Variants in COG3 observed in about 807,000 individuals in gnomAD.
COG3 encodes the protein conserved oligomeric Golgi complex subunit 3.
COG3 carries 32 observed loss-of-function variants against 114.1 expected under a neutral mutation model. The observed-to-expected ratio is 0.28, with a 90% CI of 0.21 to 0.38. The LOEUF (loss-of-function observed/expected upper bound fraction) is 0.38, where lower values mean the gene tolerates loss of function less well. Ranked by LOEUF, COG3 falls within the 10% of genes least tolerant of loss-of-function variation. The pLI, the probability that COG3 is intolerant of heterozygous loss-of-function variation, is 1.00. For synonymous variants in COG3, 352 were observed against 365.7 expected (o/e 0.96, Z 0.43); for missense variants, 813 against 973.2 (o/e 0.84, Z 2.19).
At position 45,476,235 on chromosome 13, in the gene COG3, A is replaced by C; in HGVS notation, c.209A>C (p.Gln70Pro). Reference sequence around the variant, plus strand: ...GAAGACTTGTGCAGTTTAACATCCCAGTCACTGCCCATTGAACTGACTTCA... The same window carrying C: ...GAAGACTTGTGCAGTTTAACATCCCCGTCACTGCCCATTGAACTGACTTCA... ...PIEDLCSLTS[Q>P]SLPIELTSVV... The change falls in exon 2 of 23, where the codon CAG becomes CCG. Residue 70 changes from glutamine to proline, a missense_variant. Around this residue, in one of 2 missense-constraint regions of COG3, gnomAD observed 424 missense variants for 430.6 expected, o/e 0.98. Transcript: ENST00000349995. 6 of 1,613,900 alleles carry C rather than the reference A, an allele frequency of 3.7e-6. No individual in the cohort carries two copies. The highest frequency in any genetic ancestry group is 5.1e-6 in the Non-Finnish European group (6 of 1,179,896).
intron 12 of COG3, among the ~76,000 whole-genome samples, chr13:45,494,093 G>A (rs1474001269): frequency 6.6e-6 from 1 of 152,138 alleles, no homozygotes; most frequent in African/African-American, 2.4e-5. Flanking sequence ...GGGAAGCCGA[G>A]GTGGGTGGAT....
chr13:45,495,313 C>T (rs1228314047), intron 12 of COG3, among the ~76,000 whole-genome samples: 2 of 151,770 alleles, frequency 1.3e-5, no homozygotes, highest in Non-Finnish European at 2.9e-5. Flanking sequence ...TTATCTTTAA[C>T]CCCCTGTCTT....
chr13:45,516,313 A>C (rs1871534944), intron 17 of COG3, 50 bp downstream of exon 17: 1 of 1,422,710 alleles, frequency 7.0e-7, no homozygotes. Flanking sequence ...ATCTGTCCAG[A>C]TGTGTCAGCA....
chr13:45,504,379 C>T (rs371455089), intron 14 of COG3, among the ~76,000 whole-genome samples: 1 of 152,154 alleles, frequency 6.6e-6, no homozygotes. Context: ...CCTAGTATAC[C>T]TCTTGGTCCT....
chr13:45,528,151 T>TA (rs1034365045), intron 20 of COG3, among the ~76,000 whole-genome samples: 1 of 152,084 alleles, frequency 6.6e-6, no homozygotes, highest in South Asian at 2.1e-4. Flanking sequence ...ATATAGTAAT[T>TA]AAAAAAAATT....
At chr13:45,510,000 A>G (rs1244005783) in intron 15 of COG3, among the ~76,000 whole-genome samples, 184 bp downstream of exon 15, 1 of 152,212 alleles carries the variant, frequency 6.6e-6, no homozygotes, top group Non-Finnish European at 1.5e-5. Flanking sequence ...GAAACTTATA[A>G]TTCAGTAATG....
At position 45,476,245 on chromosome 13, in the gene COG3, C is replaced by G. The variant is rs773131047; in HGVS notation, c.219C>G (p.Pro73=). ...DLCSLTSQSL[P]IELTSVVPES... The stretch of plus-strand genomic sequence containing the variant: ...GCAGTTTAACATCCCAGTCACTGCC[C>G]ATTGAACTGACTTCAGTAGTGCCTG... Residue 73 remains proline, a synonymous_variant, in exon 2 of 23, where the codon CCC becomes CCG. Transcript: ENST00000349995. 1 of 1,613,240 alleles carries G rather than the reference C, an allele frequency of 6.2e-7. No homozygotes were observed. The highest frequency in any genetic ancestry group is 8.5e-7 in the Non-Finnish European group (1 of 1,179,426).
At chr13:45,529,194 A>T (rs761241445) in intron 20 of COG3, among the ~76,000 whole-genome samples, 1 of 152,186 alleles carries the variant, frequency 6.6e-6, no homozygotes, top group Non-Finnish European at 1.5e-5. Context: ...CTTCTTTTAA[A>T]TACTTCCTAC....
intron 20 of COG3, among the ~76,000 whole-genome samples, chr13:45,529,470 T>C (rs1438954331): frequency 6.6e-6 from 1 of 152,156 alleles, no homozygotes; most frequent in Non-Finnish European, 1.5e-5. Context: ...AATGACTTTT[T>C]TTTTTTTAAC....
At chr13:45,508,956 T>C (rs895390521) in intron 14 of COG3, among the ~76,000 whole-genome samples, 1 of 152,092 alleles carries the variant, frequency 6.6e-6, no homozygotes, top group Non-Finnish European at 1.5e-5. Flanking sequence ...TCCCCCTGTT[T>C]AGAAGTGCTT....
intron 22 of COG3, 160 bp downstream of exon 22, chr13:45,530,940 CA>C (rs1323672388): frequency 1.0e-6 from 1 of 983,190 alleles, no homozygotes; most frequent in East Asian, 1.1e-4. Flanking sequence ...ATTGTTCTCT[CA>C]AACTTTTGGG....
At chr13:45,518,637 T>C (rs1428183488) in intron 17 of COG3, 125 bp from the exon 18 acceptor site, 6 of 655,954 alleles carry the variant, frequency 9.1e-6, no homozygotes, top group East Asian at 7.9e-5. Context: ...CAGCCTTTCA[T>C]GGAGGTGAGT....
At chr13:45,494,124 A>C (rs185269515) in intron 12 of COG3, among the ~76,000 whole-genome samples, 6 of 152,248 alleles carry the variant, frequency 3.9e-5, no homozygotes, top group African/African-American at 1.4e-4. Flanking sequence ...CAGGAGTTCA[A>C]GAACAGCCTG....
At chr13:45,503,384 C>A in intron 14 of COG3, 35 bp downstream of exon 14, 1 of 1,155,656 alleles carries the variant, frequency 8.7e-7, no homozygotes, top group Non-Finnish European at 1.3e-6. Context: ...AGCATTTATT[C>A]ATTTGGGTTA....
intron 15 of COG3, among the ~76,000 whole-genome samples, chr13:45,511,180 A>T (rs775389054): frequency 8.6e-5 from 13 of 150,622 alleles, no homozygotes; most frequent in African/African-American, 2.9e-4. Context: ...TTTAAACTCC[A>T]TTATGAATTT....
intron 14 of COG3, among the ~76,000 whole-genome samples, chr13:45,506,974 G>A (rs889012967): frequency 6.6e-6 from 1 of 152,210 alleles, no homozygotes; most frequent in Non-Finnish European, 1.5e-5. Context: ...GGTGAGGCCC[G>A]TGGAGGACGA....
chr13:45,489,592 T>A (rs1198519235), intron 8 of COG3, among the ~76,000 whole-genome samples: 3 of 152,176 alleles, frequency 2.0e-5, no homozygotes, highest in African/African-American at 4.8e-5. Context: ...ATATATGTGA[T>A]GGGGTCCCAT....
chr13:45,530,897 T>C (rs1324612477), intron 22 of COG3, 117 bp downstream of exon 22: 2 of 1,348,908 alleles, frequency 1.5e-6, no homozygotes, highest in Admixed American at 5.9e-5. Flanking sequence ...TATTACCTTC[T>C]TTTATTCTGA....
At chr13:45,496,675 G>GT (rs758378819) in intron 13 of COG3, among the ~76,000 whole-genome samples, 113 of 151,496 alleles carry the variant, frequency 7.5e-4, no homozygotes, top group African/African-American at 1.5e-3. Flanking sequence ...ATGTTTTTTT[G>GT]TTTTTTTTGT....
Sources: gnomAD v4.1 joint callset for allele counts (sites outside exome capture counted in the v4.1 genomes callset) on GRCh38, gnomAD v4.1.1 for gene constraint, gnomAD v4.1.1 regional missense constraint, MANE v1.5 for transcripts, NCBI Gene and HGNC (gene_info 2026-07-23, HGNC 2026-07-21) for gene names.